The following PTPRT variants were observed in gnomAD, a reference collection of about 807,000 sequenced individuals.
PTPRT encodes the protein receptor-type tyrosine-protein phosphatase T.
In PTPRT, 56 loss-of-function variants were observed where a neutral mutation model predicts 176.8. The ratio of observed to expected loss-of-function variants is 0.32; its 90% confidence interval spans 0.26 to 0.40. The LOEUF (loss-of-function observed/expected upper bound fraction) is 0.40. PTPRT is among the 10% of genes least tolerant of loss of function. The pLI is 1.00. For missense variants in PTPRT, 1,540 were observed against 1,908.2 expected (o/e 0.81, Z 3.60); for synonymous variants, 783 against 739.0 (o/e 1.06, Z -0.96).
intron 7 of PTPRT, among the ~76,000 whole-genome samples, chr20:42,616,789 G>A (rs1286946005): frequency 7.4e-6 from 1 of 135,880 alleles, no homozygotes; most frequent in Non-Finnish European, 1.5e-5. Flanking sequence ...CATTGATTTT[G>A]TATCCTGAGA....
At chr20:42,935,513 C>T (rs181269491) in intron 1 of PTPRT, among the ~76,000 whole-genome samples, 21 of 151,832 alleles carry the variant, frequency 1.4e-4, no homozygotes, top group African/African-American at 4.6e-4. Flanking sequence ...CACAAAGGAA[C>T]GAATATTCAA....
Position 42,678,032 on chromosome 20 carries a change from G to A in PTPRT, c.987C>T (p.Thr329=), listed in dbSNP as rs763887334. 1.9e-6 allele frequency: 3 copies of A among 1,614,148 alleles called. No individual in the cohort carries two copies. Among genetic ancestry groups the A allele is most frequent in the African/African-American group, 2.7e-5 (2 of 75,050 alleles). ...GGGTCTCTGCCCACGTGCCTGTGGT[G>A]GTGCGATATTCCACTTCCTTCAGGA... The part of the protein sequence containing the change: ...PIILKEVEYR[T]TTGTWAETHI... Residue 329 remains threonine (T), a synonymous_variant, in exon 7 of 31, where the codon ACC becomes ACT. Transcript: ENST00000373187.
intron 2 of PTPRT, among the ~76,000 whole-genome samples, chr20:42,877,749 A>G (rs1409696129): frequency 6.6e-6 from 1 of 152,206 alleles, no homozygotes; most frequent in African/African-American, 2.4e-5. Context: ...AGTTCATCCA[A>G]TAAACATGAG....
At chr20:42,790,557 C>T (rs560850843) in intron 3 of PTPRT, among the ~76,000 whole-genome samples, 1 of 152,328 alleles carries the variant, frequency 6.6e-6, no homozygotes, top group East Asian at 1.9e-4. Context: ...CTGCTTGTCC[C>T]TGCAGGCTGA....
At chr20:42,156,855 T>C (rs528308735) in intron 17 of PTPRT, among the ~76,000 whole-genome samples, 1 of 152,242 alleles carries the variant, frequency 6.6e-6, no homozygotes, top group Non-Finnish European at 1.5e-5. Flanking sequence ...CAATGTCCTC[T>C]TAACTTGCTT....
intron 1 of PTPRT, among the ~76,000 whole-genome samples, chr20:43,020,487 T>C (rs1208496180): frequency 1.3e-5 from 2 of 152,080 alleles, no homozygotes; most frequent in Non-Finnish European, 2.9e-5. Context: ...TTTACATTTG[T>C]ACAATGAGTG....
At chr20:42,893,778 A>G (rs1297614406) in intron 1 of PTPRT, among the ~76,000 whole-genome samples, 2 of 148,842 alleles carry the variant, frequency 1.3e-5, no homozygotes, top group Non-Finnish European at 1.5e-5. Flanking sequence ...ACCAAACACC[A>G]CATGTTCTCA....
chr20:42,854,345 G>A (rs1474659546), intron 2 of PTPRT, among the ~76,000 whole-genome samples: 1 of 152,166 alleles, frequency 6.6e-6, no homozygotes, highest in East Asian at 1.9e-4. Flanking sequence ...ATGGTTTAAG[G>A]AGGCCAAGAC....
chr20:42,816,192 T>G lies in PTPRT; in HGVS notation c.215-24726A>C, dbSNP rs563262632. Among the ~76,000 whole-genome samples, 30 of 152,254 alleles carry G rather than the reference T, an allele frequency of 2.0e-4. No homozygotes were observed. In the South Asian group the frequency reaches 6.2e-3, roughly 32 times the overall value. On this transcript the variant is annotated intron_variant, in intron 2 of 30. Transcript: ENST00000373187. ...CTCTGGAAGTGAGTAAGATCTCTCA[T>G]GAAATAAGAGAAGTTGATAGCTCAG...
At chr20:42,649,260 T>A (rs1284013545) in intron 7 of PTPRT, among the ~76,000 whole-genome samples, 2 of 152,104 alleles carry the variant, frequency 1.3e-5, no homozygotes, top group Non-Finnish European at 2.9e-5. Context: ...GAACTCCTTT[T>A]TATAAAACCA....
At chr20:42,431,149 C>A (rs1456000580) in intron 9 of PTPRT, among the ~76,000 whole-genome samples, 4 of 152,102 alleles carry the variant, frequency 2.6e-5, no homozygotes, top group Non-Finnish European at 4.4e-5. Context: ...TTATAATATT[C>A]CTGAATTGTA....
At chr20:43,116,808 C>T (rs1025467560) in intron 1 of PTPRT, among the ~76,000 whole-genome samples, 1 of 152,176 alleles carries the variant, frequency 6.6e-6, no homozygotes, top group Non-Finnish European at 1.5e-5. Context: ...TTAGCACATA[C>T]CACTACTGAA....
chr20:42,270,464 G>A (rs1315448562), intron 13 of PTPRT: 3 of 1,537,670 alleles, frequency 2.0e-6, no homozygotes, highest in East Asian at 2.5e-5. Flanking sequence ...CTGACCACAA[G>A]GAAGCCAGTC....
chr20:42,677,983 T>G lies in PTPRT; in HGVS notation c.1036A>C (p.Lys346Gln). The part of the protein sequence containing the change: ...ETHIVDSPNY[K>Q]LWHLDPDVEY... The stretch of plus-strand genomic sequence containing the variant: ...ACATCGGGGTCCAGATGCCACAGCT[T>G]ATAGTTGGGAGAGTCGACTATGTGG... Residue 346 changes from lysine to glutamine, a missense_variant, in exon 7 of 31, where the codon AAG becomes CAG. Around this residue, in one of 11 missense-constraint regions of PTPRT, gnomAD observed 273 missense variants for 432.1 expected, o/e 0.63. Coordinates refer to ENST00000373187, the MANE Select transcript of PTPRT (RefSeq NM_007050.6). The G allele has an allele frequency of 6.2e-7, 1 of 1,614,168 alleles. No homozygotes were observed. The highest frequency in any genetic ancestry group is 8.5e-7 in the Non-Finnish European group (1 of 1,180,030).
intron 8 of PTPRT, among the ~76,000 whole-genome samples, chr20:42,459,185 A>T (rs984950631): frequency 1.3e-5 from 2 of 152,334 alleles, no homozygotes; most frequent in Admixed American, 6.5e-5. Flanking sequence ...GGCAAGTGCA[A>T]AGGCCCTGAG....
intron 19 of PTPRT, among the ~76,000 whole-genome samples, chr20:42,127,516 T>C (rs1444217353): frequency 3.9e-5 from 6 of 152,118 alleles, no homozygotes; most frequent in Non-Finnish European, 7.4e-5. Flanking sequence ...GCTCAATAAG[T>C]ATTTGTTGAG....
At chr20:42,370,978 T>A (rs776752814) in intron 9 of PTPRT, among the ~76,000 whole-genome samples, 2 of 152,214 alleles carry the variant, frequency 1.3e-5, no homozygotes, top group Non-Finnish European at 2.9e-5. Context: ...CTCTCTTGGT[T>A]TGGTTAACAC....
At chr20:42,168,784 G>C (rs1309315716) in intron 16 of PTPRT, among the ~76,000 whole-genome samples, 1 of 152,188 alleles carries the variant, frequency 6.6e-6, no homozygotes, top group Non-Finnish European at 1.5e-5. Flanking sequence ...AGAATGCTCT[G>C]TTCTGTGTTT....
At chr20:42,757,830 G>A (rs566674209) in intron 5 of PTPRT, among the ~76,000 whole-genome samples, 1 of 152,192 alleles carries the variant, frequency 6.6e-6, no homozygotes, top group African/African-American at 2.4e-5. Context: ...TGCAGGTTAT[G>A]AGAACTGGTA....
Sources: allele counts gnomAD v4.1 joint callset (sites outside exome capture counted in the v4.1 genomes callset), GRCh38; gene constraint gnomAD v4.1.1; regional missense constraint gnomAD v4.1.1; transcripts MANE v1.5; gene names NCBI Gene and HGNC (gene_info 2026-07-23, HGNC 2026-07-21).